Variants in CHD6 observed in about 807,000 individuals in gnomAD.
The protein encoded by CHD6 is ATP-dependent chromatin remodeler CHD6.
In CHD6, 50 loss-of-function variants were observed where a neutral mutation model predicts 276.9. The observed-to-expected ratio is 0.18, with a 90% CI of 0.14 to 0.23. The LOEUF (loss-of-function observed/expected upper bound fraction) is 0.23, where lower values mean the gene tolerates loss of function less well. Ranked by LOEUF, CHD6 falls within the 10% of genes least tolerant of loss-of-function variation. The probability of loss-of-function intolerance (pLI) is 1.00; values close to 1 mark genes in which losing one functional copy is unlikely to be tolerated. For missense variants in CHD6, 2,564 were observed against 3,365.8 expected, an observed-to-expected ratio of 0.76 and a Z score of 5.89; for synonymous variants, 1,173 against 1,229.3, an observed-to-expected ratio of 0.95 and a Z score of 0.96.
chr20:41,451,782 G>C lies in CHD6; in HGVS notation c.3523+44C>G, dbSNP rs755742332. 26 of 1,543,566 alleles carry C rather than the reference G, an allele frequency of 1.7e-5. No homozygotes were observed. In the Admixed American group the frequency reaches 3.8e-4, roughly 23 times the overall value. On this transcript the variant is annotated intron_variant, in intron 22 of 36. Coordinates refer to ENST00000373233, the MANE Select transcript of CHD6 (RefSeq NM_032221.5). ...CCCGCAGAGGAAGAGGGGATGAAGT[G>C]CATGGGAATCGTGCTTCTTAGGCAT...
chr20:41,589,081 G>A (rs748158737), intron 1 of CHD6, among the ~76,000 whole-genome samples: 17 of 152,074 alleles, frequency 1.1e-4, no homozygotes, highest in Non-Finnish European at 2.1e-4. Flanking sequence ...ATCAATAAAC[G>A]TAATCTGGCA....
chr20:41,455,177 T>C (rs1321595257), intron 19 of CHD6, among the ~76,000 whole-genome samples: 1 of 152,166 alleles, frequency 6.6e-6, no homozygotes, highest in Non-Finnish European at 1.5e-5. Context: ...ATATCCTCCT[T>C]ATAAAACACT....
At chr20:41,605,164 A>C (rs1289795822) in intron 1 of CHD6, among the ~76,000 whole-genome samples, 2 of 152,188 alleles carry the variant, frequency 1.3e-5, no homozygotes, top group Non-Finnish European at 2.9e-5. Flanking sequence ...AGAGAGACAG[A>C]AAGTTATAAA....
intron 1 of CHD6, among the ~76,000 whole-genome samples, chr20:41,575,084 T>C (rs1331461883): frequency 6.6e-6 from 1 of 152,206 alleles, no homozygotes; most frequent in Non-Finnish European, 1.5e-5. Context: ...CAGCCTCTGA[T>C]TGCAGGCCAC....
At chr20:41,405,571 C>G in intron 36 of CHD6, 82 bp from the exon 37 acceptor site, 4 of 1,066,044 alleles carry the variant, frequency 3.8e-6, no homozygotes, top group Non-Finnish European at 4.1e-6. Context: ...GGGCTCTGCA[C>G]TGGCCTGGCC....
chr20:41,552,640 T>A (rs1163140499), intron 1 of CHD6, among the ~76,000 whole-genome samples: 1 of 152,220 alleles, frequency 6.6e-6, no homozygotes, highest in Non-Finnish European at 1.5e-5. Context: ...ATTCCAATCA[T>A]CCTTGGGACC....
rs2046966564 is a variant in CHD6 at position 41,415,479 on chromosome 20, C to T, written c.6646G>A (p.Ala2216Thr). ...TCTGATGAGCAGGAGAGGTCCATAG[C>T]TGACTCCCCATGCCAGCCATTGAGG... is the stretch of plus-strand genomic sequence containing the variant. Reference protein sequence around the residue: ...IILNGWHGESAMDLSCSSEGS... With the variant: ...IILNGWHGESTMDLSCSSEGS... The change falls in exon 34 of 37, where the codon GCT becomes ACT. Residue 2216 changes from alanine (A) to threonine (T), a missense_variant. Coordinates refer to ENST00000373233, the MANE Select transcript of CHD6 (RefSeq NM_032221.5). 3 of 1,613,502 alleles carry T rather than the reference C, an allele frequency of 1.9e-6. No homozygotes were observed. The African/African-American group carries it at 4.0e-5, about 22-fold the overall frequency.
chr20:41,447,823 T>C (rs1422096413), intron 24 of CHD6, 59 bp downstream of exon 24: 1 of 1,300,562 alleles, frequency 7.7e-7, no homozygotes, highest in African/African-American at 1.5e-5. Context: ...GCCAGCTCCA[T>C]GAATAGGCAT....
In CHD6 at chr20:41,421,512, T is replaced by C. The variant is rs772954967; in HGVS notation, c.5123A>G (p.Tyr1708Cys). Reference protein sequence around the residue: ...LLPESLESMMYGKKVLSQEPS... With the variant: ...LLPESLESMMCGKKVLSQEPS... ...TTCTTGGCTGAGCACCTTCTTACCA[T>C]ACATCATGCTCTCTAAGGACTCAGG... Residue 1708 changes from tyrosine (Y) to cysteine (C), a missense_variant, in exon 31 of 37, where the codon TAT becomes TGT. By Grantham distance (194) the Tyr-to-Cys change is radical (BLOSUM62 -2). This residue lies in a region of CHD6 where 1,024 missense variants were observed against 1,047.9 expected (regional missense o/e 0.98). Coordinates refer to ENST00000373233, the MANE Select transcript of CHD6 (RefSeq NM_032221.5). 26 of 1,612,812 alleles carry C rather than the reference T, an allele frequency of 1.6e-5. No homozygotes were observed. Among genetic ancestry groups the C allele is most frequent in the South Asian group, 2.2e-5 (2 of 90,716 alleles).
chr20:41,599,875 T>A (rs1162588918), intron 1 of CHD6, among the ~76,000 whole-genome samples: 1 of 152,240 alleles, frequency 6.6e-6, no homozygotes, highest in Non-Finnish European at 1.5e-5. Context: ...TATTCCATTT[T>A]AAACACTAGC....
intron 1 of CHD6, among the ~76,000 whole-genome samples, chr20:41,610,989 C>G (rs181788519): frequency 6.6e-6 from 1 of 152,250 alleles, no homozygotes; most frequent in East Asian, 1.9e-4. Flanking sequence ...TGAAAGACAT[C>G]ATGCATGTTA....
At chr20:41,466,370 G>T (rs561487041) in intron 17 of CHD6, among the ~76,000 whole-genome samples, 11 of 152,058 alleles carry the variant, frequency 7.2e-5, no homozygotes, top group African/African-American at 2.7e-4. Flanking sequence ...ACAATCCAGG[G>T]TATAGCAGGA....
At chr20:41,433,016 G>A (rs6093481) in intron 27 of CHD6, among the ~76,000 whole-genome samples, 6,592 of 151,864 alleles carry the variant, frequency 0.043, 458 homozygotes, top group African/African-American at 0.15. Flanking sequence ...ACAGCAGAAT[G>A]GTGGAGGAAA....
chr20:41,617,037 T>C (rs1164925039), intron 1 of CHD6, among the ~76,000 whole-genome samples: 2 of 152,172 alleles, frequency 1.3e-5, no homozygotes, highest in African/African-American at 4.8e-5. Flanking sequence ...ATGGTACTCT[T>C]ACATACCATC....
At chr20:41,539,281 AT>A in intron 2 of CHD6, among the ~76,000 whole-genome samples, 1 of 152,222 alleles carries the variant, frequency 6.6e-6, no homozygotes, top group East Asian at 1.9e-4. Context: ...TGCTTCTGTT[AT>A]TTCATGTTTT....
chr20:41,586,271 A>ACCCG (rs1391523553), intron 1 of CHD6, among the ~76,000 whole-genome samples: 1 of 151,250 alleles, frequency 6.6e-6, no homozygotes, highest in East Asian at 1.9e-4. Context: ...CCGTCACAAG[A>ACCCG]CCCGCCGTTG....
chr20:41,527,229 G>A (rs2044561933), intron 3 of CHD6, among the ~76,000 whole-genome samples: 1 of 152,078 alleles, frequency 6.6e-6, no homozygotes, highest in Non-Finnish European at 1.5e-5. Flanking sequence ...TTGAGGACAG[G>A]AGTTCAAGAC....
chr20:41,495,949 G>T (rs1215559332), intron 8 of CHD6, among the ~76,000 whole-genome samples: 1 of 152,212 alleles, frequency 6.6e-6, no homozygotes, highest in Non-Finnish European at 1.5e-5. Context: ...TGACTGCAGA[G>T]CCCAGGCTCT....
intron 27 of CHD6, among the ~76,000 whole-genome samples, chr20:41,430,083 G>A (rs1016235917): frequency 1.3e-5 from 2 of 152,226 alleles, no homozygotes; most frequent in Non-Finnish European, 2.9e-5. Flanking sequence ...GGGAGCAAGC[G>A]TGAAGCAGGG....
Sources: gnomAD v4.1 joint callset for allele counts (sites outside exome capture counted in the v4.1 genomes callset) on GRCh38, gnomAD v4.1.1 for gene constraint, gnomAD v4.1.1 regional missense constraint, MANE v1.5 for transcripts, NCBI Gene and HGNC (gene_info 2026-07-23, HGNC 2026-07-21) for gene names.